Variants in SLC71A2 observed in about 807,000 individuals in gnomAD.
SLC71A2 encodes the protein hippocampus abundant transcript-like 1.
the SLC71A2 span, chr9:94,458,309 T>C: frequency 1.3e-6 from 2 of 1,596,090 alleles, no homozygotes; most frequent in African/African-American, 2.7e-5. Flanking sequence ...TTATTTTCTT[T>C]GTTCTGATTT....
At chr9:94,453,277 A>G in the SLC71A2 span, among the ~76,000 whole-genome samples, 14 of 151,706 alleles carry the variant, frequency 9.2e-5, no homozygotes, top group Admixed American at 2.0e-4. Context: ...AGCCTCCCAA[A>G]TAGCTGGGAC....
the SLC71A2 span, chr9:94,453,962 C>T: frequency 1.9e-6 from 3 of 1,609,596 alleles, no homozygotes; most frequent in Non-Finnish European, 2.6e-6. Flanking sequence ...TTGCAGACGG[C>T]CTTTCTTAGC....
chr9:94,393,171 CAT>C, the SLC71A2 span, among the ~76,000 whole-genome samples: 1 of 106,762 alleles, frequency 9.4e-6, no homozygotes, highest in East Asian at 2.6e-4. Context: ...AGTTGGCCAT[CAT>C]GTGTGGGAAC....
chr9:94,378,092 A>G, the SLC71A2 span, among the ~76,000 whole-genome samples: 1 of 143,616 alleles, frequency 7.0e-6, no homozygotes, highest in African/African-American at 2.8e-5. Flanking sequence ...GACAGACTGC[A>G]CTCCAGCCTG....
the SLC71A2 span, among the ~76,000 whole-genome samples, chr9:94,448,638 A>C: frequency 6.6e-6 from 1 of 152,124 alleles, no homozygotes; most frequent in South Asian, 2.1e-4. Context: ...AAACCTTTTT[A>C]CTTTTTTATT....
At chr9:94,449,239 A>G in the SLC71A2 span, among the ~76,000 whole-genome samples, 1 of 152,236 alleles carries the variant, frequency 6.6e-6, no homozygotes, top group East Asian at 1.9e-4. Flanking sequence ...GAATCATTCC[A>G]TATTATTTTA....
chr9:94,375,818 TTG>T, the SLC71A2 span, among the ~76,000 whole-genome samples: 3 of 147,434 alleles, frequency 2.0e-5, no homozygotes, highest in African/African-American at 7.6e-5. Flanking sequence ...ATGAACGTAT[TTG>T]GGGATGTAAA....
At chr9:94,398,085 A>G in the SLC71A2 span, among the ~76,000 whole-genome samples, 1 of 151,492 alleles carries the variant, frequency 6.6e-6, no homozygotes, top group African/African-American at 2.4e-5. Context: ...TTTCTATTTA[A>G]TCATTTTATC....
At chr9:94,458,840 A>T in the SLC71A2 span, among the ~76,000 whole-genome samples, 1 of 152,196 alleles carries the variant, frequency 6.6e-6, no homozygotes, top group Admixed American at 6.5e-5. Context: ...TATCTATACA[A>T]AGCTGGAATT....
At chr9:94,456,607 ATCTTT>A in the SLC71A2 span, among the ~76,000 whole-genome samples, 4 of 135,434 alleles carry the variant, frequency 3.0e-5, no homozygotes, top group Admixed American at 8.4e-5. Context: ...GTTTTGATAC[ATCTTT>A]TCTTCTTTAG....
the SLC71A2 span, among the ~76,000 whole-genome samples, chr9:94,383,324 G>C: frequency 6.6e-6 from 1 of 151,716 alleles, no homozygotes; most frequent in African/African-American, 2.4e-5. Flanking sequence ...CACCACACCT[G>C]GCTAATTTTT....
chr9:94,417,853 ACCCCACCCCCCCCCCC>A, the SLC71A2 span, among the ~76,000 whole-genome samples: 1 of 44,592 alleles, frequency 2.2e-5, no homozygotes, highest in South Asian at 9.2e-4. Context: ...GCAAGTTCCC[ACCCCACCCCCCCCCCC>A]CCCCCCCGAC....
chr9:94,449,385 T>C, the SLC71A2 span, among the ~76,000 whole-genome samples: 1 of 152,194 alleles, frequency 6.6e-6, no homozygotes, highest in Non-Finnish European at 1.5e-5. Flanking sequence ...AAAGACTTAA[T>C]AGCATCTTAC....
the SLC71A2 span, among the ~76,000 whole-genome samples, chr9:94,397,071 C>T: frequency 6.6e-6 from 1 of 152,164 alleles, no homozygotes; most frequent in African/African-American, 2.4e-5. Flanking sequence ...TGCCCGGCCT[C>T]TAACATTTAA....
the SLC71A2 span, among the ~76,000 whole-genome samples, chr9:94,444,333 C>T: frequency 1.3e-5 from 2 of 152,156 alleles, no homozygotes; most frequent in South Asian, 4.1e-4. Flanking sequence ...CAGGTGGTGA[C>T]AGAGAGACAG....
the SLC71A2 span, among the ~76,000 whole-genome samples, chr9:94,398,053 G>A: frequency 6.6e-6 from 1 of 151,480 alleles, no homozygotes; most frequent in African/African-American, 2.4e-5. Context: ...AAATTCCTCT[G>A]CATGGGAGAT....
At chr9:94,433,279 T>G in the SLC71A2 span, 4 of 190,604 alleles carry the variant, frequency 2.1e-5, no homozygotes, top group African/African-American at 4.7e-5. Flanking sequence ...GGCCCTCGGA[T>G]CCCCCTGGAC....
chr9:94,415,331 A>C, the SLC71A2 span: 1 of 1,016,552 alleles, frequency 9.8e-7, no homozygotes, highest in African/African-American at 1.6e-5. Context: ...GTGTATGTCT[A>C]GATACGTGTT....
chr9:94,408,944 A>C, the SLC71A2 span, among the ~76,000 whole-genome samples: 1 of 150,392 alleles, frequency 6.6e-6, no homozygotes, highest in Non-Finnish European at 1.5e-5. Flanking sequence ...CTCCTGCCTC[A>C]GTCTCCCAAG....
Sources: gnomAD v4.1 joint callset for allele counts (sites outside exome capture counted in the v4.1 genomes callset) on GRCh38, gnomAD v4.1.1 for gene constraint, MANE v1.5 for transcripts, NCBI Gene and HGNC (gene_info 2026-07-23, HGNC 2026-07-21) for gene names.